SLIT3: variants seen among roughly 807,000 people sequenced by gnomAD.
The protein encoded by SLIT3 is slit homolog 3 protein.
Under a neutral mutation model 184.0 loss-of-function variants are expected in SLIT3, and 68 were observed. The observed-to-expected ratio is 0.37, with a 90% CI of 0.30 to 0.45. The LOEUF is 0.45. Among genes scored for constraint, SLIT3 ranks in the 20% least tolerant of loss-of-function variants. The probability of loss-of-function intolerance (pLI) is 1.00; values close to 1 mark genes in which losing one functional copy is unlikely to be tolerated. For synonymous variants in SLIT3, 831 were observed against 828.6 expected, an observed-to-expected ratio of 1.00 and a Z score of -0.05; for missense variants, 1,707 against 2,026.0, an observed-to-expected ratio of 0.84 and a Z score of 3.02.
intron 3 of SLIT3, among the ~76,000 whole-genome samples, chr5:169,216,206 C>A (rs930655599): frequency 1.3e-5 from 2 of 152,174 alleles, no homozygotes; most frequent in South Asian, 4.1e-4. Flanking sequence ...ACTGTGCCAC[C>A]AGCCAGGGGT....
At chr5:169,162,961 A>AC (rs779693250) in intron 4 of SLIT3, among the ~76,000 whole-genome samples, 8 of 152,082 alleles carry the variant, frequency 5.3e-5, no homozygotes, top group Non-Finnish European at 1.0e-4. Flanking sequence ...GGGAACTTGA[A>AC]CCTGATTCCA....
chr5:169,133,263 T>C (rs1453132256), intron 4 of SLIT3, among the ~76,000 whole-genome samples: 1 of 152,226 alleles, frequency 6.6e-6, no homozygotes, highest in Non-Finnish European at 1.5e-5. Context: ...GGCACAAGCC[T>C]GCTTCACTTT....
intron 3 of SLIT3, among the ~76,000 whole-genome samples, chr5:169,225,628 C>T (rs1211140249): frequency 6.6e-6 from 1 of 152,180 alleles, no homozygotes; most frequent in African/African-American, 2.4e-5. Flanking sequence ...AGTGGGGCCA[C>T]GCCCGAGGGG....
At chr5:169,198,953 TACACACACAC>T (rs58669966) in intron 3 of SLIT3, among the ~76,000 whole-genome samples, 7 of 142,078 alleles carry the variant, frequency 4.9e-5, no homozygotes, top group Admixed American at 2.9e-4. Flanking sequence ...AAACAAACTA[TACACACACAC>T]ACACACACAC....
At chr5:168,862,894 C>T (rs897814962) in intron 5 of SLIT3, among the ~76,000 whole-genome samples, 23 of 152,134 alleles carry the variant, frequency 1.5e-4, no homozygotes, top group Non-Finnish European at 2.8e-4. Flanking sequence ...AGGCTGGTCT[C>T]GAACCCCTGA....
intron 32 of SLIT3, among the ~76,000 whole-genome samples, chr5:168,681,095 G>T (rs1482927946): frequency 6.6e-6 from 1 of 152,246 alleles, no homozygotes; most frequent in African/African-American, 2.4e-5. Context: ...GTTGCAGGGA[G>T]CTGTGATCAT....
At chr5:168,753,714 G>T (rs1754796588) in intron 17 of SLIT3, 150 bp downstream of exon 17, 3 of 894,382 alleles carry the variant, frequency 3.4e-6, no homozygotes, top group East Asian at 2.5e-5. Flanking sequence ...CAAGGCTCCA[G>T]AATGTCTGAT....
chr5:169,260,814 C>T lies in SLIT3; in HGVS notation c.198-9355G>A, dbSNP rs371555617. ...GGTATATAGCTATAAACAATAGTGG[C>T]GTGGTCTCTGCCCATAAGAAACTCA... On this transcript the variant is annotated intron_variant, in intron 1 of 35. Transcript: ENST00000519560. Among the ~76,000 whole-genome samples, 113 of 152,232 alleles carry T rather than the reference C, an allele frequency of 7.4e-4. 1 individual carries two copies. Among genetic ancestry groups the T allele is most frequent in the East Asian group, 3.1e-3 (16 of 5,186 alleles).
At chr5:168,933,668 C>T (rs540960794) in intron 4 of SLIT3, among the ~76,000 whole-genome samples, 141 of 152,258 alleles carry the variant, frequency 9.3e-4, no homozygotes, top group African/African-American at 3.2e-3. Context: ...AGTGCTGGAG[C>T]CAGAACTTGA....
chr5:168,895,149 C>T (rs935932966), intron 4 of SLIT3, among the ~76,000 whole-genome samples: 1 of 152,192 alleles, frequency 6.6e-6, no homozygotes, highest in African/African-American at 2.4e-5. Flanking sequence ...GTGTCTACCC[C>T]ACTGTAACCT....
chr5:168,685,958 T>C (rs769669862), intron 30 of SLIT3, 31 bp from the exon 31 acceptor site: 8 of 1,579,932 alleles, frequency 5.1e-6, no homozygotes, highest in South Asian at 1.1e-5. Flanking sequence ...GGGAGGGAGA[T>C]AGGAGAATGG....
At chr5:169,015,987 A>T (rs78462407) in intron 4 of SLIT3, among the ~76,000 whole-genome samples, 3 of 67,144 alleles carry the variant, frequency 4.5e-5, no homozygotes, top group Non-Finnish European at 9.4e-5. Flanking sequence ...CACACACACA[A>T]CTTTCTGTCT....
chr5:168,662,163 G>A lies in SLIT3; in HGVS notation c.*4291C>T, dbSNP rs540281037. ...ACTTTGGCCTGGGTGGACACATGGG[G>A]TTAATTATCTGTGTGTCTTTGGTCT... On this transcript the variant is annotated 3_prime_UTR_variant, in exon 36 of 36. Coordinates refer to ENST00000519560, the MANE Select transcript of SLIT3 (RefSeq NM_003062.4). The A allele has an allele frequency of 1.3e-5, 2 of 152,350 alleles. No individual in the cohort carries two copies. The highest frequency in any genetic ancestry group is 1.3e-4 in the Admixed American group (2 of 15,298). The allele number at this position is 152,350 out of a possible 1,614,324, so 9.4% of individuals were successfully genotyped here.
chr5:169,282,695 G>A (rs1767031020), intron 1 of SLIT3, among the ~76,000 whole-genome samples: 1 of 152,172 alleles, frequency 6.6e-6, no homozygotes, highest in African/African-American at 2.4e-5. Context: ...AAAGAAAACT[G>A]TGCTAGAAGC....
chr5:168,884,549 G>GACATATATATATATATATATATATATAT (rs1260481453), intron 4 of SLIT3, among the ~76,000 whole-genome samples: 1 of 41,138 alleles, frequency 2.4e-5, no homozygotes, highest in African/African-American at 1.1e-4. Context: ...CCAATTACGA[G>GACATATATATATATATATATATATATAT]ATATATATAT....
chr5:169,210,227 T>C (rs1301913898), intron 3 of SLIT3, among the ~76,000 whole-genome samples: 1 of 151,830 alleles, frequency 6.6e-6, no homozygotes, highest in Non-Finnish European at 1.5e-5. Context: ...GCCAGACAGG[T>C]AGGATGAAGG....
At chr5:168,903,625 T>A (rs1468936231) in intron 4 of SLIT3, among the ~76,000 whole-genome samples, 1 of 152,124 alleles carries the variant, frequency 6.6e-6, no homozygotes, top group Non-Finnish European at 1.5e-5. Flanking sequence ...TCTTCAGGAA[T>A]GGTCCTTCTG....
In SLIT3 at chr5:169,043,861, C is replaced by T. The variant is rs75637191; in HGVS notation, c.413+149618G>A. ...TTAGCAAACAGCAGTGAGAGTCATC[C>T]GAACTGGGAGCTCAAGATTGGGATG... On this transcript the variant is annotated intron_variant, in intron 4 of 35. Transcript: ENST00000519560. Among the ~76,000 whole-genome samples the T allele has an allele frequency of 6.5e-4, 99 of 152,242 alleles. 1 individual carries two copies. The highest frequency in any genetic ancestry group is 2.2e-3 in the African/African-American group (93 of 41,534).
chr5:168,892,874 A>T (rs1188336637), intron 4 of SLIT3, among the ~76,000 whole-genome samples: 1 of 152,202 alleles, frequency 6.6e-6, no homozygotes, highest in Non-Finnish European at 1.5e-5. Flanking sequence ...TTTAGCGACA[A>T]GGCAGTTAGT....
Sources: allele counts gnomAD v4.1 joint callset (sites outside exome capture counted in the v4.1 genomes callset), GRCh38; gene constraint gnomAD v4.1.1; transcripts MANE v1.5; gene names NCBI Gene and HGNC (gene_info 2026-07-23, HGNC 2026-07-21).